Variants in ABTB3 observed in about 807,000 individuals in gnomAD.
ABTB3 encodes the protein ankyrin repeat and BTB domain containing 3, also known as ankyrin repeat- and BTB/POZ domain-containing protein 3.
chr12:107,459,396 C>A, the ABTB3 span, among the ~76,000 whole-genome samples: 4 of 152,194 alleles, frequency 2.6e-5, no homozygotes, highest in Non-Finnish European at 5.9e-5. Context: ...AGGGATCCAA[C>A]AGTGAGCAAA....
At chr12:107,324,850 C>G in the ABTB3 span, among the ~76,000 whole-genome samples, 2 of 152,264 alleles carry the variant, frequency 1.3e-5, no homozygotes, top group East Asian at 1.9e-4. Flanking sequence ...GGAGAAAGAC[C>G]TTACGCTTAG....
chr12:107,618,777 A>T, the ABTB3 span, among the ~76,000 whole-genome samples: 3 of 152,184 alleles, frequency 2.0e-5, no homozygotes, highest in African/African-American at 7.2e-5. Flanking sequence ...ATATTTAACA[A>T]TCATCCCAGG....
chr12:107,356,383 G>A, the ABTB3 span, among the ~76,000 whole-genome samples: 1 of 152,206 alleles, frequency 6.6e-6, no homozygotes, highest in Non-Finnish European at 1.5e-5. Flanking sequence ...AAGATCGGAA[G>A]GAATCCTCTT....
At chr12:107,580,794 C>T in the ABTB3 span, 9 of 1,496,844 alleles carry the variant, frequency 6.0e-6, no homozygotes, top group Middle Eastern at 4.8e-4. Context: ...CCAGACCCTG[C>T]GCTTGGTGCT....
the ABTB3 span, among the ~76,000 whole-genome samples, chr12:107,364,082 A>G: frequency 3.3e-5 from 5 of 152,154 alleles, no homozygotes; most frequent in African/African-American, 1.2e-4. Context: ...CAGAGGTTGA[A>G]TGCAACCAAT....
chr12:107,625,271 C>T, the ABTB3 span, among the ~76,000 whole-genome samples: 3 of 152,162 alleles, frequency 2.0e-5, no homozygotes, highest in Admixed American at 2.0e-4. Context: ...TATTTTCTCC[C>T]ACTCTGTAGC....
chr12:107,362,501 A>C, the ABTB3 span, among the ~76,000 whole-genome samples: 2 of 152,234 alleles, frequency 1.3e-5, no homozygotes, highest in African/African-American at 4.8e-5. Context: ...TAATAACAAT[A>C]AAAATGGTAG....
the ABTB3 span, among the ~76,000 whole-genome samples, chr12:107,357,043 G>GAGGA: frequency 6.6e-6 from 1 of 152,246 alleles, no homozygotes. Flanking sequence ...AAGGAGCTTA[G>GAGGA]AGGACCCTGA....
chr12:107,560,095 T>A, the ABTB3 span, among the ~76,000 whole-genome samples: 1 of 152,220 alleles, frequency 6.6e-6, no homozygotes, highest in Non-Finnish European at 1.5e-5. Context: ...ACCATAAGCA[T>A]ATTCCTGGTA....
At chr12:107,476,176 G>A in the ABTB3 span, among the ~76,000 whole-genome samples, 2 of 152,308 alleles carry the variant, frequency 1.3e-5, no homozygotes, top group East Asian at 1.9e-4. Context: ...CGGCTACCTA[G>A]GCTGTTCAGC....
chr12:107,340,372 T>C, the ABTB3 span, among the ~76,000 whole-genome samples: 3 of 152,198 alleles, frequency 2.0e-5, no homozygotes, highest in Non-Finnish European at 4.4e-5. Flanking sequence ...TCTCACACAT[T>C]CTCAAATGCA....
the ABTB3 span, among the ~76,000 whole-genome samples, chr12:107,418,425 G>C: frequency 6.6e-6 from 1 of 152,150 alleles, no homozygotes; most frequent in Non-Finnish European, 1.5e-5. Flanking sequence ...TATCCTATTA[G>C]TTCTGTCCCT....
At chr12:107,645,288 G>C in the ABTB3 span, among the ~76,000 whole-genome samples, 1 of 152,128 alleles carries the variant, frequency 6.6e-6, no homozygotes, top group South Asian at 2.1e-4. Flanking sequence ...TTTCTAACAA[G>C]AACCCAGGTG....
At chr12:107,594,306 G>A in the ABTB3 span, among the ~76,000 whole-genome samples, 1 of 152,156 alleles carries the variant, frequency 6.6e-6, no homozygotes, top group Non-Finnish European at 1.5e-5. Flanking sequence ...TATTCAGACA[G>A]ACCCAGAATT....
the ABTB3 span, chr12:107,649,483 T>C: frequency 3.6e-6 from 2 of 561,508 alleles, no homozygotes; most frequent in Non-Finnish European, 6.4e-6. Flanking sequence ...CCTGGCAGGC[T>C]GGGGTGCTAG....
At chr12:107,494,127 C>T in the ABTB3 span, among the ~76,000 whole-genome samples, 1 of 152,084 alleles carries the variant, frequency 6.6e-6, no homozygotes, top group African/African-American at 2.4e-5. Flanking sequence ...GAGAAAAGAA[C>T]GTGGGTAAGA....
At chr12:107,401,227 G>A in the ABTB3 span, among the ~76,000 whole-genome samples, 1 of 152,164 alleles carries the variant, frequency 6.6e-6, no homozygotes, top group African/African-American at 2.4e-5. Flanking sequence ...AGCACAAAAA[G>A]GCCAAACCAA....
chr12:107,380,167 A>C, the ABTB3 span, among the ~76,000 whole-genome samples: 23,899 of 152,118 alleles, frequency 0.16, 2,231 homozygotes, highest in East Asian at 0.41. Flanking sequence ...GGTAAACAGA[A>C]CCAGTGTTTA....
At chr12:107,373,062 A>C in the ABTB3 span, among the ~76,000 whole-genome samples, 6 of 152,168 alleles carry the variant, frequency 3.9e-5, no homozygotes, top group Admixed American at 3.9e-4. Context: ...TCTCCTCAAA[A>C]AGAATGCCTC....
Sources: gnomAD v4.1 joint callset for allele counts (sites outside exome capture counted in the v4.1 genomes callset) on GRCh38, gnomAD v4.1.1 for gene constraint, MANE v1.5 for transcripts, NCBI Gene and HGNC (gene_info 2026-07-23, HGNC 2026-07-21) for gene names.